The following BMPER variants were observed in gnomAD, a reference collection of about 807,000 sequenced individuals.
The protein encoded by BMPER is BMP-binding endothelial regulator protein.
In BMPER, 45 loss-of-function variants were observed where a neutral mutation model predicts 87.3. That is an observed-to-expected ratio of 0.52 (90% CI 0.41 to 0.66). The LOEUF (loss-of-function observed/expected upper bound fraction) is 0.66. Among genes scored for constraint, BMPER ranks in the 30% least tolerant of loss-of-function variants. The probability of loss-of-function intolerance (pLI) is 0.00; values close to 1 mark genes in which losing one functional copy is unlikely to be tolerated. For missense variants in BMPER, 784 were observed against 867.5 expected (o/e 0.90, Z 1.21); for synonymous variants, 326 against 316.2 (o/e 1.03, Z -0.33).
intron 13 of BMPER, among the ~76,000 whole-genome samples, chr7:34,137,445 C>T (rs577182289): frequency 6.6e-6 from 1 of 152,234 alleles, no homozygotes; most frequent in Non-Finnish European, 1.5e-5. Context: ...CTCTTTCACT[C>T]TTTGAATGAT....
At chr7:33,913,206 A>G (rs1270959814) in intron 2 of BMPER, among the ~76,000 whole-genome samples, 2 of 152,182 alleles carry the variant, frequency 1.3e-5, no homozygotes, top group Admixed American at 1.3e-4. Context: ...GGAAGGACAC[A>G]AAGAGAGTGT....
At chr7:34,055,404 T>C in intron 9 of BMPER, 101 bp downstream of exon 9, 1 of 1,431,938 alleles carries the variant, frequency 7.0e-7, no homozygotes, top group Non-Finnish European at 9.8e-7. Context: ...AATTTCTATA[T>C]ACATATACAA....
chr7:33,960,253 G>A (rs1469123404), intron 3 of BMPER, among the ~76,000 whole-genome samples: 1 of 152,180 alleles, frequency 6.6e-6, no homozygotes, highest in African/African-American at 2.4e-5. Context: ...TTCATGGTAG[G>A]TACAGCCTTG....
intron 14 of BMPER, among the ~76,000 whole-genome samples, chr7:34,145,832 A>G (rs184380839): frequency 6.6e-6 from 1 of 152,278 alleles, no homozygotes; most frequent in African/African-American, 2.4e-5. Context: ...GTTGCATTTG[A>G]GGACTACACA....
chr7:34,030,800 C>T (rs1025185273), intron 6 of BMPER, among the ~76,000 whole-genome samples: 4 of 152,062 alleles, frequency 2.6e-5, no homozygotes, highest in East Asian at 1.9e-4. Flanking sequence ...GACAGGGTCT[C>T]GCTATGTTGC....
chr7:33,910,405 T>C (rs1783929369), intron 2 of BMPER, among the ~76,000 whole-genome samples: 1 of 152,210 alleles, frequency 6.6e-6, no homozygotes, highest in Admixed American at 6.5e-5. Context: ...CTCTGATCTT[T>C]GGGACATCCC....
intron 2 of BMPER, among the ~76,000 whole-genome samples, chr7:33,931,269 T>A (rs1353957273): frequency 1.3e-5 from 2 of 152,188 alleles, no homozygotes; most frequent in Non-Finnish European, 2.9e-5. Flanking sequence ...GATACTTCTG[T>A]ACATTTTAGT....
At chr7:34,097,969 G>T (rs1238011522) in intron 13 of BMPER, among the ~76,000 whole-genome samples, 1 of 151,316 alleles carries the variant, frequency 6.6e-6, no homozygotes, top group Non-Finnish European at 1.5e-5. Flanking sequence ...CATTTTCTTG[G>T]CCTGTAGTAG....
At chr7:33,921,352 G>C (rs1251219212) in intron 2 of BMPER, among the ~76,000 whole-genome samples, 1 of 152,194 alleles carries the variant, frequency 6.6e-6, no homozygotes, top group Non-Finnish European at 1.5e-5. Context: ...TAAGAAACCA[G>C]TTTCATAGTT....
At chr7:34,123,345 A>C (rs1790310064) in intron 13 of BMPER, among the ~76,000 whole-genome samples, 1 of 152,186 alleles carries the variant, frequency 6.6e-6, no homozygotes, top group Non-Finnish European at 1.5e-5. Flanking sequence ...GCTGTGTTCA[A>C]TTGGAGTAAA....
chr7:34,085,686 A>T, intron 12 of BMPER, 70 bp from the exon 13 acceptor site: 2 of 1,355,276 alleles, frequency 1.5e-6, no homozygotes, highest in Non-Finnish European at 2.1e-6. Context: ...CTGTGTAAGG[A>T]TGTATACATT....
At chr7:34,133,614 T>G (rs1193499951) in intron 13 of BMPER, among the ~76,000 whole-genome samples, 1 of 152,252 alleles carries the variant, frequency 6.6e-6, no homozygotes, top group South Asian at 2.1e-4. Flanking sequence ...GAAACTCCGA[T>G]TTATAAACCG....
At chr7:34,060,853 C>G (rs1788417464) in intron 10 of BMPER, among the ~76,000 whole-genome samples, 2 of 152,162 alleles carry the variant, frequency 1.3e-5, no homozygotes, top group African/African-American at 4.8e-5. Context: ...ATGAGGAATG[C>G]ATAGCACTCA....
intron 6 of BMPER, among the ~76,000 whole-genome samples, chr7:33,993,014 A>T (rs1419862563): frequency 6.6e-5 from 9 of 136,140 alleles, no homozygotes; most frequent in African/African-American, 1.9e-4. Flanking sequence ...CTTCCCTTTG[A>T]GGGTAACCCG....
At chr7:34,152,924 G>T (rs188475377) in intron 14 of BMPER, among the ~76,000 whole-genome samples, 168 bp from the exon 15 acceptor site, 3 of 152,254 alleles carry the variant, frequency 2.0e-5, no homozygotes, top group African/African-American at 7.2e-5. Flanking sequence ...TTCCCAGAGT[G>T]TTTGAAGAAT....
intron 9 of BMPER, 114 bp downstream of exon 9, chr7:34,055,417 GTA>G: frequency 7.8e-7 from 1 of 1,290,140 alleles, no homozygotes; most frequent in Non-Finnish European, 1.1e-6. Flanking sequence ...ATATACAAAT[GTA>G]TATGTGTGCA....
At chr7:34,047,303 C>CG (rs1477354978) in intron 7 of BMPER, among the ~76,000 whole-genome samples, 2 of 151,724 alleles carry the variant, frequency 1.3e-5, no homozygotes, top group Admixed American at 1.3e-4. Context: ...TTTTTTGAGA[C>CG]GGAGTCTTGC....
intron 14 of BMPER, among the ~76,000 whole-genome samples, chr7:34,151,225 T>G (rs1791167408): frequency 6.6e-6 from 1 of 152,172 alleles, no homozygotes; most frequent in African/African-American, 2.4e-5. Flanking sequence ...TCCAATCCCC[T>G]CTCTGTTGTG....
At chr7:33,942,444 C>A (rs887716403) in intron 3 of BMPER, among the ~76,000 whole-genome samples, 6 of 152,184 alleles carry the variant, frequency 3.9e-5, no homozygotes, top group Non-Finnish European at 7.3e-5. Context: ...TAGTAAGTGA[C>A]AGAGATGGGA....
Sources: gnomAD v4.1 joint callset for allele counts (sites outside exome capture counted in the v4.1 genomes callset) on GRCh38, gnomAD v4.1.1 for gene constraint, MANE v1.5 for transcripts, NCBI Gene and HGNC (gene_info 2026-07-23, HGNC 2026-07-21) for gene names.